Variants in PIEZO2 observed in about 807,000 individuals in gnomAD.
The protein encoded by PIEZO2 is piezo type mechanosensitive ion channel component 2.
Under a neutral mutation model 337.3 loss-of-function variants are expected in PIEZO2, and 172 were observed. The ratio of observed to expected loss-of-function variants is 0.51; its 90% CI spans 0.45 to 0.58. PIEZO2 has a LOEUF of 0.58. PIEZO2 is among the 20% of genes least tolerant of loss of function. PIEZO2 has a pLI of 0.00. For missense variants in PIEZO2, 3,028 were observed against 3,391.3 expected (o/e 0.89, Z 2.66); for synonymous variants, 1,251 against 1,228.5 (o/e 1.02, Z -0.38).
rs1487944553 is a variant in PIEZO2 at position 10,850,887 on chromosome 18, T to A, written c.917+4466A>T. On this transcript the variant is annotated intron_variant, in intron 7 of 55. Transcript: ENST00000674853. The surrounding 1 kb of genome is among the most constrained non-coding windows in gnomAD (Gnocchi z 4.5). Reference sequence around the variant, plus strand: ...ATGACCAAAAAACATGTGTTTAGTATAACAGTGTGACAAAAAATATCAATT... The same window carrying A: ...ATGACCAAAAAACATGTGTTTAGTAAAACAGTGTGACAAAAAATATCAATT... Among the ~76,000 whole-genome samples, 1 of 152,184 alleles carries A rather than the reference T, an allele frequency of 6.6e-6. No homozygotes were observed. Among genetic ancestry groups the A allele is most frequent in the African/African-American group, 2.4e-5 (1 of 41,458 alleles).
intron 1 of PIEZO2, among the ~76,000 whole-genome samples, chr18:11,141,147 T>G (rs749836926): frequency 1.3e-5 from 2 of 152,134 alleles, no homozygotes; most frequent in Non-Finnish European, 2.9e-5. Context: ...GAAACCTACA[T>G]GGAAAACAGA....
rs369007724 is a variant in PIEZO2, at chr18:10,759,576, C to T, written c.3663G>A (p.Pro1221=). 231 of 1,537,218 alleles carry T rather than the reference C, an allele frequency of 1.5e-4. No individual in the cohort carries two copies. The highest frequency in any genetic ancestry group is 9.0e-4 in the Admixed American group (46 of 50,990). The part of the protein sequence containing the change: ...GIPPAPCRDY[P]WRFKGASFND... ...TGAAGCTGGCACCCTTGAATCTCCA[C>T]GGGTAATCTGCAGGGAGGGAAGTGG... The change falls in exon 26 of 56, where the codon CCG becomes CCA. Residue 1221 remains proline, a synonymous_variant. Transcript: ENST00000674853. This position sits in a 1 kb window ranked among gnomAD's most constrained non-coding sequence, Gnocchi z 5.5.
At chr18:10,757,688 T>C (rs866377763) in intron 27 of PIEZO2, among the ~76,000 whole-genome samples, 1 of 151,760 alleles carries the variant, frequency 6.6e-6, no homozygotes, top group Non-Finnish European at 1.5e-5. Context: ...GACCCTCCAC[T>C]GGAGAGCTGG....
At chr18:11,017,641 C>T (rs2036163768) in intron 2 of PIEZO2, among the ~76,000 whole-genome samples, 1 of 152,138 alleles carries the variant, frequency 6.6e-6, no homozygotes, top group African/African-American at 2.4e-5. Flanking sequence ...AATGGTTCTT[C>T]TGTATAAAAG....
Position 10,862,920 on chromosome 18 carries a change from T to C in PIEZO2, c.493-5709A>G, listed in dbSNP as rs1160367461. On this transcript the variant is annotated intron_variant, in intron 5 of 55. Coordinates refer to ENST00000674853, the MANE Select transcript of PIEZO2 (RefSeq NM_001378183.1). This position sits in a 1 kb window ranked among gnomAD's most constrained non-coding sequence, Gnocchi z 4.4. ...TATTTGGAAAATAGATTGAAATAAA[T>C]TATCTCTGGAACCTCCTTTAGGTTT... Among the ~76,000 whole-genome samples, 2 of 152,242 alleles carry C rather than the reference T, an allele frequency of 1.3e-5. No individual in the cohort carries two copies. Among genetic ancestry groups the C allele is most frequent in the Non-Finnish European group, 2.9e-5 (2 of 68,048 alleles).
chr18:11,124,532 C>T lies in PIEZO2; in HGVS notation c.64+23993G>A, dbSNP rs558045627. Reference sequence around the variant, plus strand: ...GTGCCGAATGGTCAGCACCTTAAACCTTTGCAGTTAAAGCTAAGGGTTTCC... The same window carrying T: ...GTGCCGAATGGTCAGCACCTTAAACTTTTGCAGTTAAAGCTAAGGGTTTCC... On this transcript the variant is annotated intron_variant, in intron 1 of 55. Transcript: ENST00000674853. 9.5e-4 allele frequency among the ~76,000 whole-genome samples: 144 copies of T among 152,312 alleles called. 1 individual carries two copies. Among genetic ancestry groups the T allele is most frequent in the African/African-American group, 3.4e-3 (141 of 41,574 alleles).
chr18:10,784,758 G>C lies in PIEZO2; in HGVS notation c.2492+26C>G, dbSNP rs1481887575. The C allele has an allele frequency of 2.0e-6, 3 of 1,506,274 alleles. No individual in the cohort carries two copies. Among genetic ancestry groups the C allele is most frequent in the Admixed American group, 2.1e-5 (1 of 48,728 alleles). 93.3% of individuals were successfully genotyped at this position (1,506,274 alleles called of 1,614,324 possible). Reference sequence around the variant, plus strand: ...AAGAGCTGCCTTCCTGCTAATAAGAGGTCTGTGTTTCTTCCAGTGGCTCAC... The same window carrying C: ...AAGAGCTGCCTTCCTGCTAATAAGACGTCTGTGTTTCTTCCAGTGGCTCAC... On this transcript the variant is annotated intron_variant, in intron 17 of 55. Coordinates refer to ENST00000674853, the MANE Select transcript of PIEZO2 (RefSeq NM_001378183.1). This position sits in a 1 kb window ranked among gnomAD's most constrained non-coding sequence, Gnocchi z 4.5.
At chr18:10,718,909 T>C (rs966488896) in intron 36 of PIEZO2, among the ~76,000 whole-genome samples, 16 of 151,674 alleles carry the variant, frequency 1.1e-4, no homozygotes, top group African/African-American at 3.4e-4. Flanking sequence ...GGTGGGAGGA[T>C]TGCTTGAACC....
chr18:10,723,194 C>T (rs1276074893), intron 36 of PIEZO2, among the ~76,000 whole-genome samples: 3 of 151,804 alleles, frequency 2.0e-5, no homozygotes, highest in African/African-American at 4.8e-5. Context: ...CTCAAACTCC[C>T]GACCTCAGGT....
chr18:11,079,365 C>G (rs889695794), intron 1 of PIEZO2, among the ~76,000 whole-genome samples: 1 of 152,210 alleles, frequency 6.6e-6, no homozygotes, highest in Non-Finnish European at 1.5e-5. Flanking sequence ...TTAACCTCCA[C>G]AAATATCTTT....
At chr18:10,803,344 C>T (rs555263941) in intron 9 of PIEZO2, among the ~76,000 whole-genome samples, 3 of 152,242 alleles carry the variant, frequency 2.0e-5, no homozygotes, top group East Asian at 3.9e-4. Context: ...AGTTTTTAAG[C>T]CCTCAGTAGA....
At chr18:10,960,135 A>C (rs997911023) in intron 3 of PIEZO2, among the ~76,000 whole-genome samples, 2 of 152,182 alleles carry the variant, frequency 1.3e-5, no homozygotes, top group Non-Finnish European at 2.9e-5. Context: ...GGAATGCTTT[A>C]TATCTTTTTA....
At chr18:11,043,082 T>C (rs2037179824) in intron 2 of PIEZO2, among the ~76,000 whole-genome samples, 1 of 152,204 alleles carries the variant, frequency 6.6e-6, no homozygotes, top group Non-Finnish European at 1.5e-5. Context: ...GTATGTTTTG[T>C]TGTTAACGTA....
chr18:10,688,848 C>T (rs1261691648), intron 49 of PIEZO2, among the ~76,000 whole-genome samples: 3 of 152,104 alleles, frequency 2.0e-5, no homozygotes, highest in Non-Finnish European at 4.4e-5. Flanking sequence ...CATATTCTGG[C>T]ATCCTGTCAA....
intron 43 of PIEZO2, among the ~76,000 whole-genome samples, chr18:10,701,245 T>C (rs533456085): frequency 6.6e-6 from 1 of 152,388 alleles, no homozygotes; most frequent in East Asian, 1.9e-4. Flanking sequence ...ATCTATGCTA[T>C]GCAATAATTT....
intron 49 of PIEZO2, among the ~76,000 whole-genome samples, chr18:10,687,229 C>T (rs1265788590): frequency 1.3e-5 from 2 of 152,192 alleles, no homozygotes; most frequent in East Asian, 3.9e-4. Context: ...CATCCCATCA[C>T]CTAGGTATTA....
intron 7 of PIEZO2, among the ~76,000 whole-genome samples, chr18:10,848,280 T>C (rs955998446): frequency 1.3e-5 from 2 of 152,242 alleles, no homozygotes; most frequent in Admixed American, 6.5e-5. Context: ...TTGCATATAA[T>C]TGATATTTTA....
At position 10,713,882 on chromosome 18, in the gene PIEZO2, G is replaced by T. The variant is rs1474689725; in HGVS notation, c.5423+882C>A. Among the ~76,000 whole-genome samples, 5 of 152,152 alleles carry T rather than the reference G, an allele frequency of 3.3e-5. No individual in the cohort carries two copies. Among genetic ancestry groups the T allele is most frequent in the African/African-American group, 1.2e-4 (5 of 41,436 alleles). On this transcript the variant is annotated intron_variant, in intron 39 of 55. Transcript: ENST00000674853. The surrounding 1 kb of genome is among the most constrained non-coding windows in gnomAD (Gnocchi z 4.5). ...AGACAGGGACTTCTGCTTTAATTTA[G>T]AATCTAGCTCTGTACAATTGTTATC...
At chr18:11,140,551 T>C (rs1165715795) in intron 1 of PIEZO2, among the ~76,000 whole-genome samples, 1 of 152,206 alleles carries the variant, frequency 6.6e-6, no homozygotes, top group African/African-American at 2.4e-5. Flanking sequence ...GGGTCATACT[T>C]TGTGCCTCAT....
Sources: allele counts gnomAD v4.1 joint callset (sites outside exome capture counted in the v4.1 genomes callset), GRCh38; gene constraint gnomAD v4.1.1; non-coding constraint Gnocchi (gnomAD v3.1); transcripts MANE v1.5; gene names NCBI Gene and HGNC (gene_info 2026-07-23, HGNC 2026-07-21).